The following SH3KBP1 variants were observed in gnomAD, a reference collection of about 807,000 sequenced individuals.
SH3KBP1 encodes SH3 domain-containing kinase-binding protein 1.
Under a neutral mutation model 50.1 loss-of-function variants are expected in SH3KBP1, and 8 were observed. That is an observed-to-expected ratio of 0.16 (90% CI 0.09 to 0.29). The LOEUF (loss-of-function observed/expected upper bound fraction) is 0.29. Among genes scored for constraint, SH3KBP1 ranks in the 10% least tolerant of loss-of-function variants. SH3KBP1 has a pLI of 1.00. For missense variants in SH3KBP1, 377 were observed against 535.2 expected (o/e 0.70, Z 2.92); for synonymous variants, 227 against 218.6 (o/e 1.04, Z -0.34).
At chrX:19,568,543 C>T (rs746898993) in intron 13 of SH3KBP1, among the ~76,000 whole-genome samples, 81 of 112,161 alleles carry the variant, frequency 7.2e-4, no homozygotes, top group Non-Finnish European at 1.1e-3. Flanking sequence ...AACAGCACAC[C>T]GGTGGCCTCA....
intron 12 of SH3KBP1, among the ~76,000 whole-genome samples, chrX:19,588,087 A>G (rs2066621855): frequency 8.9e-6 from 1 of 111,792 alleles, no homozygotes; most frequent in Non-Finnish European, 1.9e-5. Flanking sequence ...AGCACATCTC[A>G]GAACACATGC....
At chrX:19,692,235 A>C (rs2063306572) in intron 5 of SH3KBP1, among the ~76,000 whole-genome samples, 1 of 111,511 alleles carries the variant, frequency 9.0e-6, no homozygotes, top group South Asian at 3.7e-4. Context: ...AGATTACCCT[A>C]AACAAAGATC....
chrX:19,778,444 A>AG (rs1401094127), intron 2 of SH3KBP1, among the ~76,000 whole-genome samples: 196 of 107,920 alleles, frequency 1.8e-3, no homozygotes, highest in African/African-American at 6.5e-3. Flanking sequence ...AAAAAAAAAA[A>AG]AAAGAAAAGA....
At chrX:19,799,331 A>G (rs1464965272) in intron 2 of SH3KBP1, among the ~76,000 whole-genome samples, 3 of 111,857 alleles carry the variant, frequency 2.7e-5, no homozygotes, top group Admixed American at 9.5e-5. Flanking sequence ...AGAGGGAAAG[A>G]GCCACCAAAC....
At chrX:19,873,273 CATATATATAT>C (rs767661962) in intron 1 of SH3KBP1, among the ~76,000 whole-genome samples, 1 of 78,619 alleles carries the variant, frequency 1.3e-5, no homozygotes, top group Admixed American at 1.4e-4. Context: ...AAAACAAGGA[CATATATATAT>C]ATATATGTAT....
chrX:19,837,647 G>A (rs2068094605), intron 1 of SH3KBP1, among the ~76,000 whole-genome samples: 2 of 108,772 alleles, frequency 1.8e-5, no homozygotes, highest in African/African-American at 6.7e-5. Context: ...CACCATGTTG[G>A]CCAGGCTGGT....
chrX:19,776,550 T>TTTTTTTTG, intron 2 of SH3KBP1, among the ~76,000 whole-genome samples: 1 of 87,139 alleles, frequency 1.1e-5, no homozygotes, highest in Non-Finnish European at 2.2e-5. Flanking sequence ...TTTTTTTTTT[T>TTTTTTTTG]TTTTTTTTTT....
intron 1 of SH3KBP1, among the ~76,000 whole-genome samples, chrX:19,884,534 T>C (rs11797058): frequency 0.023 from 2,568 of 112,534 alleles, 34 homozygotes; most frequent in Non-Finnish European, 0.034. Context: ...GTAAAGCTTA[T>C]GTACAATTAA....
At chrX:19,636,604 T>C (rs898135283) in intron 7 of SH3KBP1, among the ~76,000 whole-genome samples, 1 of 111,951 alleles carries the variant, frequency 8.9e-6, no homozygotes, top group African/African-American at 3.2e-5. Flanking sequence ...AAAAACAGAC[T>C]GTTAAAGGAA....
intron 8 of SH3KBP1, among the ~76,000 whole-genome samples, chrX:19,631,305 G>T (rs1262997480): frequency 8.9e-6 from 1 of 112,579 alleles, no homozygotes; most frequent in Non-Finnish European, 1.9e-5. Flanking sequence ...CAAGGCCCTT[G>T]TTCAATTGCA....
intron 12 of SH3KBP1, among the ~76,000 whole-genome samples, chrX:19,571,756 A>G (rs1016083526): frequency 9.0e-6 from 1 of 110,984 alleles, no homozygotes; most frequent in African/African-American, 3.3e-5. Flanking sequence ...CCAAAGATCA[A>G]AACTTATAAG....
At chrX:19,697,664 G>T (rs1420162848) in intron 4 of SH3KBP1, among the ~76,000 whole-genome samples, 1 of 112,084 alleles carries the variant, frequency 8.9e-6, no homozygotes, top group Non-Finnish European at 1.9e-5. Flanking sequence ...CATCAAACTT[G>T]TTACACAAAG....
intron 12 of SH3KBP1, among the ~76,000 whole-genome samples, chrX:19,587,222 CAA>C (rs762405835): frequency 2.2e-4 from 8 of 36,738 alleles, no homozygotes; most frequent in Middle Eastern, 0.014. Flanking sequence ...AACTCTGCCT[CAA>C]AAAAAAAAAA....
Position 19,755,865 on chromosome X carries a change from G to A in SH3KBP1, c.163-9424C>T, listed in dbSNP as rs145806579. Reference sequence around the variant, plus strand: ...AAAAATCCCTGTCCTGTTCTGTTTCGTTCTGATTACCGCTGCATGCAGTCC... The same window carrying A: ...AAAAATCCCTGTCCTGTTCTGTTTCATTCTGATTACCGCTGCATGCAGTCC... On this transcript the variant is annotated intron_variant, in intron 2 of 17. Transcript: ENST00000397821. Among the ~76,000 whole-genome samples the A allele has an allele frequency of 1.1e-3, 126 of 111,178 alleles. 2 individuals are homozygous for A. The highest frequency in any genetic ancestry group is 3.7e-3 in the African/African-American group (113 of 30,550).
intron 2 of SH3KBP1, among the ~76,000 whole-genome samples, chrX:19,813,635 T>C (rs1413438405): frequency 9.0e-6 from 1 of 111,660 alleles, no homozygotes; most frequent in African/African-American, 3.3e-5. Context: ...TTTGCTTTCA[T>C]GGAGCAATTT....
At chrX:19,670,681 A>G (rs2062766037) in intron 6 of SH3KBP1, among the ~76,000 whole-genome samples, 1 of 110,004 alleles carries the variant, frequency 9.1e-6, no homozygotes, top group South Asian at 3.8e-4. Context: ...TATACTTGAT[A>G]GGTTCCTCCT....
chrX:19,653,112 C>T (rs2062170284), intron 6 of SH3KBP1, among the ~76,000 whole-genome samples: 1 of 111,418 alleles, frequency 9.0e-6, no homozygotes. Context: ...ACCTCAGCCT[C>T]CCAAGTGGCT....
At chrX:19,783,222 G>A (rs2066238410) in intron 2 of SH3KBP1, among the ~76,000 whole-genome samples, 1 of 112,005 alleles carries the variant, frequency 8.9e-6, no homozygotes, top group African/African-American at 3.2e-5. Context: ...TTCTTTCTTT[G>A]AAAAGCATTT....
intron 2 of SH3KBP1, among the ~76,000 whole-genome samples, chrX:19,828,699 A>C (rs1229799384): frequency 9.0e-6 from 1 of 111,629 alleles, no homozygotes; most frequent in Non-Finnish European, 1.9e-5. Flanking sequence ...CAAGAGGATC[A>C]CTTGAGCCCA....
Sources: allele counts gnomAD v4.1 joint callset (sites outside exome capture counted in the v4.1 genomes callset), GRCh38; gene constraint gnomAD v4.1.1; transcripts MANE v1.5; gene names NCBI Gene and HGNC (gene_info 2026-07-23, HGNC 2026-07-21).